PCOLCE2: variants seen among roughly 807,000 people sequenced by gnomAD.
PCOLCE2 encodes the protein procollagen C-proteinase enhancer 2.
A neutral mutation model predicts 47.0 loss-of-function variants in PCOLCE2; 42 were observed. That is an observed-to-expected ratio of 0.89 (90% CI 0.70 to 1.16). The LOEUF is 1.16. Among genes scored for constraint, PCOLCE2 ranks in the 50% most tolerant of loss-of-function variants. The pLI is 0.00. For missense variants in PCOLCE2, 500 were observed against 526.1 expected (o/e 0.95, Z 0.49); for synonymous variants, 169 against 191.7 (o/e 0.88, Z 0.98).
In PCOLCE2 at chr3:142,827,315, G is replaced by A. The variant is rs1937092374; in HGVS notation, c.865+2377C>T. On this transcript the variant is annotated intron_variant, in intron 6 of 8. Coordinates refer to ENST00000295992, the MANE Select transcript of PCOLCE2 (RefSeq NM_013363.4). Reference sequence around the variant, plus strand: ...CCTCTTTGCCTTATATTTGTGGTAGGCTTGGCAAGCCTTCAAGATGGGTTT... The same window carrying A: ...CCTCTTTGCCTTATATTTGTGGTAGACTTGGCAAGCCTTCAAGATGGGTTT... 3 of 1,370,006 alleles carry A rather than the reference G, an allele frequency of 2.2e-6. No individual in the cohort carries two copies. The Admixed American group carries it at 5.1e-5, about 23-fold the overall frequency. The allele number at this position is 1,370,006 out of a possible 1,614,324, so 84.9% of individuals were successfully genotyped here.
At chr3:142,869,542 C>G (rs918143104) in intron 2 of PCOLCE2, among the ~76,000 whole-genome samples, 1 of 152,178 alleles carries the variant, frequency 6.6e-6, no homozygotes. Flanking sequence ...GAGTCTGGCA[C>G]CTTTTGAAAT....
At chr3:142,830,354 G>A (rs1462523200) in intron 5 of PCOLCE2, among the ~76,000 whole-genome samples, 1 of 152,228 alleles carries the variant, frequency 6.6e-6, no homozygotes, top group Non-Finnish European at 1.5e-5. Flanking sequence ...GACAAATCTG[G>A]TGAACAAATT....
intron 2 of PCOLCE2, among the ~76,000 whole-genome samples, chr3:142,882,505 A>G (rs1345352504): frequency 6.6e-6 from 1 of 152,254 alleles, no homozygotes; most frequent in Non-Finnish European, 1.5e-5. Flanking sequence ...TTTAAATTAT[A>G]AATAATAAAA....
chr3:142,820,409 T>A (rs2108181844), intron 8 of PCOLCE2, among the ~76,000 whole-genome samples: 1 of 152,350 alleles, frequency 6.6e-6, no homozygotes, highest in East Asian at 1.9e-4. Flanking sequence ...TGGAGTAACT[T>A]TCCGTTTTTC....
At chr3:142,847,461 A>G (rs967553585) in intron 3 of PCOLCE2, among the ~76,000 whole-genome samples, 2 of 152,186 alleles carry the variant, frequency 1.3e-5, no homozygotes, top group African/African-American at 4.8e-5. Context: ...AATATTGCCC[A>G]CTGCAGTGAT....
At chr3:142,820,809 T>A (rs1937004081) in intron 8 of PCOLCE2, 69 bp downstream of exon 8, 2 of 1,404,454 alleles carry the variant, frequency 1.4e-6, no homozygotes, top group South Asian at 2.5e-5. Flanking sequence ...TGATTTTACT[T>A]CCCTAGACCA....
At chr3:142,868,530 C>A (rs1235642894) in intron 2 of PCOLCE2, among the ~76,000 whole-genome samples, 1 of 152,138 alleles carries the variant, frequency 6.6e-6, no homozygotes, top group Non-Finnish European at 1.5e-5. Flanking sequence ...ATTCTGATCA[C>A]CTGCTCCACC....
intron 2 of PCOLCE2, among the ~76,000 whole-genome samples, chr3:142,873,202 C>T (rs1200760431): frequency 1.3e-5 from 2 of 151,612 alleles, no homozygotes; most frequent in Non-Finnish European, 1.5e-5. Context: ...AAGACCAGCT[C>T]GGCCAACATG....
chr3:142,879,839 G>T (rs897887214), intron 2 of PCOLCE2, among the ~76,000 whole-genome samples: 2 of 151,848 alleles, frequency 1.3e-5, no homozygotes, highest in Non-Finnish European at 2.9e-5. Context: ...GCGTGGTGGG[G>T]GGGCGCCTGT....
At chr3:142,879,936 A>G (rs1168405134) in intron 2 of PCOLCE2, among the ~76,000 whole-genome samples, 3 of 144,122 alleles carry the variant, frequency 2.1e-5, no homozygotes, top group African/African-American at 5.3e-5. Context: ...ATGCCACTGC[A>G]CTCCAGCCTG....
intron 7 of PCOLCE2, among the ~76,000 whole-genome samples, chr3:142,822,136 C>T (rs1014755719): frequency 2.0e-5 from 3 of 151,968 alleles, no homozygotes; most frequent in Admixed American, 6.6e-5. Flanking sequence ...AGGCTGGTCT[C>T]GAACTCCCAA....
chr3:142,828,603 G>A (rs1440011115), intron 6 of PCOLCE2, among the ~76,000 whole-genome samples: 2 of 152,172 alleles, frequency 1.3e-5, no homozygotes, highest in East Asian at 3.9e-4. Context: ...TGGGAAAATA[G>A]GTGGAGAAGT....
chr3:142,850,575 T>C (rs575340262), intron 2 of PCOLCE2, among the ~76,000 whole-genome samples: 8 of 152,104 alleles, frequency 5.3e-5, no homozygotes, highest in African/African-American at 1.9e-4. Flanking sequence ...CAAGGAGGAA[T>C]GAATGGGCAA....
At chr3:142,835,195 A>T (rs1314024087) in intron 5 of PCOLCE2, among the ~76,000 whole-genome samples, 1 of 152,200 alleles carries the variant, frequency 6.6e-6, no homozygotes, top group Non-Finnish European at 1.5e-5. Context: ...AATCTCTACT[A>T]CAATAATGAA....
chr3:142,888,165 A>AAAAAAAGTTTGTCG (rs1404894034), intron 1 of PCOLCE2, among the ~76,000 whole-genome samples: 1 of 152,182 alleles, frequency 6.6e-6, no homozygotes, highest in African/African-American at 2.4e-5. Context: ...TGGTTAATAT[A>AAAAAAAGTTTGTCG]AAAAAAGTTT....
chr3:142,858,699 C>T (rs1228453191), intron 2 of PCOLCE2, among the ~76,000 whole-genome samples: 2 of 151,728 alleles, frequency 1.3e-5, no homozygotes, highest in African/African-American at 4.8e-5. Context: ...GTTATATTCC[C>T]TCAGTCCATG....
intron 2 of PCOLCE2, among the ~76,000 whole-genome samples, chr3:142,850,379 C>T (rs1403147884): frequency 6.6e-6 from 1 of 152,062 alleles, no homozygotes; most frequent in African/African-American, 2.4e-5. Context: ...TTCAAAGCTA[C>T]GAAACTTGAT....
chr3:142,839,015 T>TA (rs139017693), intron 4 of PCOLCE2, 109 bp from the exon 5 acceptor site: 5 of 820,516 alleles, frequency 6.1e-6, no homozygotes, highest in South Asian at 2.1e-5. Context: ...TTTTCCTTTG[T>TA]AAAAAAAGTA....
chr3:142,841,068 C>T (rs1322191713), intron 4 of PCOLCE2, among the ~76,000 whole-genome samples: 1 of 139,384 alleles, frequency 7.2e-6, no homozygotes, highest in African/African-American at 2.8e-5. Context: ...GAGCAAGACT[C>T]CGTCTCAAAA....
Sources: allele counts gnomAD v4.1 joint callset (sites outside exome capture counted in the v4.1 genomes callset), GRCh38; gene constraint gnomAD v4.1.1; transcripts MANE v1.5; gene names NCBI Gene and HGNC (gene_info 2026-07-23, HGNC 2026-07-21).